RIOK3: variants seen among roughly 807,000 people sequenced by gnomAD.
RIOK3 encodes serine/threonine-protein kinase RIO3.
RIOK3 carries 40 observed loss-of-function variants against 63.5 expected under a neutral mutation model. That is an observed-to-expected ratio of 0.63 (90% CI 0.49 to 0.82). RIOK3 has a LOEUF of 0.82. Ranked by LOEUF, RIOK3 falls within the 40% of genes least tolerant of loss-of-function variation. The probability of loss-of-function intolerance (pLI) is 0.00; values close to 1 mark genes in which losing one functional copy is unlikely to be tolerated. For missense variants in RIOK3, 557 were observed against 637.0 expected, an observed-to-expected ratio of 0.87 and a Z score of 1.35; for synonymous variants, 193 against 205.0, an observed-to-expected ratio of 0.94 and a Z score of 0.50.
At chr18:23,479,929 C>T (rs2057520254) in intron 12 of RIOK3, among the ~76,000 whole-genome samples, 1 of 152,136 alleles carries the variant, frequency 6.6e-6, no homozygotes, top group African/African-American at 2.4e-5. Context: ...AACATTTCTT[C>T]ACGGAGGGCA....
chr18:23,463,334 C>A, intron 2 of RIOK3: 2 of 285,812 alleles, frequency 7.0e-6, no homozygotes, highest in East Asian at 6.5e-5. Flanking sequence ...CAGTTTTGAT[C>A]AAGTGTTTGT....
intron 7 of RIOK3, among the ~76,000 whole-genome samples, chr18:23,469,372 T>C (rs1179873779): frequency 3.8e-4 from 2 of 5,226 alleles, no homozygotes; most frequent in Admixed American, 3.1e-3. Flanking sequence ...CCTCCCTCCC[T>C]CCCTCCCCTC....
chr18:23,481,300 G>C lies in RIOK3; in HGVS notation c.*21G>C, dbSNP rs2145709351. 7.1e-7 allele frequency: 1 copy of C among 1,411,526 alleles called. No individual in the cohort carries two copies. Among genetic ancestry groups the C allele is most frequent in the East Asian group, 2.3e-5 (1 of 42,702 alleles). The allele number at this position is 1,411,526 out of a possible 1,614,324, so 87.4% of individuals were successfully genotyped here. On this transcript the variant is annotated 3_prime_UTR_variant, in exon 13 of 13. Coordinates refer to ENST00000339486, the MANE Select transcript of RIOK3 (RefSeq NM_003831.5). Reference sequence around the variant, plus strand: ...AATAGCACTAATACCCACTGCTTCAGTGTTAACACAGCAGTGATTGTCAGC... The same window carrying C: ...AATAGCACTAATACCCACTGCTTCACTGTTAACACAGCAGTGATTGTCAGC...
intron 7 of RIOK3, among the ~76,000 whole-genome samples, chr18:23,472,289 G>A (rs1378330715): frequency 6.6e-6 from 1 of 151,978 alleles, no homozygotes; most frequent in Non-Finnish European, 1.5e-5. Flanking sequence ...AGAGCCATGG[G>A]GCTAAGTGAA....
chr18:23,480,825 G>A (rs1229696475), intron 12 of RIOK3, among the ~76,000 whole-genome samples: 3 of 152,104 alleles, frequency 2.0e-5, no homozygotes, highest in Admixed American at 6.5e-5. Context: ...GGTGGCTCAC[G>A]CCTGTAATCC....
chr18:23,476,826 G>C (rs1029395571), intron 9 of RIOK3, among the ~76,000 whole-genome samples, 180 bp from the exon 10 acceptor site: 2 of 152,010 alleles, frequency 1.3e-5, no homozygotes, highest in South Asian at 4.2e-4. Context: ...GCAGGAGAAT[G>C]GTGTGAACCA....
chr18:23,469,809 T>C (rs1011066709), intron 7 of RIOK3, among the ~76,000 whole-genome samples: 21 of 152,152 alleles, frequency 1.4e-4, no homozygotes, highest in Admixed American at 3.9e-4. Context: ...TCTGTCACTC[T>C]CAGGTTGGTC....
In RIOK3 at chr18:23,453,426, G is replaced by T; in HGVS notation, c.-14G>T. The stretch of plus-strand genomic sequence containing the variant: ...ACCTCTCTGCTCTGTTCTTGTCTCT[G>T]CCTTCATTCCCGAATGGATCTGGTA... On this transcript the variant is annotated 5_prime_UTR_variant, in exon 1 of 13. Coordinates refer to ENST00000339486, the MANE Select transcript of RIOK3 (RefSeq NM_003831.5). 1.2e-6 allele frequency: 2 copies of T among 1,611,206 alleles called. No homozygotes were observed. The highest frequency in any genetic ancestry group is 1.7e-6 in the Non-Finnish European group (2 of 1,177,642).
chr18:23,467,187 G>A (rs529073163), intron 6 of RIOK3, among the ~76,000 whole-genome samples: 21 of 151,968 alleles, frequency 1.4e-4, no homozygotes, highest in Middle Eastern at 3.4e-3. Flanking sequence ...GGTGGCGGGC[G>A]CCTGTAATCC....
At position 23,475,041 on chromosome 18, in the gene RIOK3, C is replaced by T. The variant is rs767271842; in HGVS notation, c.1107C>T (p.Ala369=). The T allele has an allele frequency of 6.2e-7, 1 of 1,612,588 alleles. No homozygotes were observed. Among genetic ancestry groups the T allele is most frequent in the South Asian group, 1.1e-5 (1 of 91,036 alleles). ...TTATTGGCCATGATCAAGTTCCAGCCCCTAAATTAAAAGAAGTAAAGCTCA... is the reference window on the plus strand; with the variant it reads ...TTATTGGCCATGATCAAGTTCCAGCTCCTAAATTAAAAGAAGTAAAGCTCA... ...MSFIGHDQVP[A]PKLKEVKLNS... is the part of the protein sequence containing the mutation. The change falls in exon 9 of 13, where the codon GCC becomes GCT. Residue 369 remains alanine (A), a synonymous_variant. Transcript: ENST00000339486.
chr18:23,460,195 C>G (rs7230453), intron 1 of RIOK3, among the ~76,000 whole-genome samples: 96 of 152,346 alleles, frequency 6.3e-4, no homozygotes, highest in African/African-American at 2.1e-3. Context: ...AATGATCCAC[C>G]TCCTACTTCA....
At chr18:23,456,476 G>C (rs1427170322) in intron 1 of RIOK3, 2 of 151,756 alleles carry the variant, frequency 1.3e-5, no homozygotes, top group Non-Finnish European at 2.9e-5. Flanking sequence ...AAAAAAAAAA[G>C]TCATATGTTA....
At chr18:23,472,428 T>C (rs1480467495) in intron 7 of RIOK3, among the ~76,000 whole-genome samples, 1 of 152,184 alleles carries the variant, frequency 6.6e-6, no homozygotes, top group African/African-American at 2.4e-5. Flanking sequence ...TTCTGTCCTT[T>C]GGAAATATAG....
In RIOK3 at chr18:23,466,140, C is replaced by T; in HGVS notation, c.551C>T (p.Pro184Leu). ...KNTARMENFA[P>L]EFQVGDGIGM... is the part of the protein sequence containing the mutation. ...AATTCTTCCTTTTGGCAGTTTGCACCTGAGTTTCAGGTAGGAGATGGAATT... is the reference window on the plus strand; with the variant it reads ...AATTCTTCCTTTTGGCAGTTTGCACTTGAGTTTCAGGTAGGAGATGGAATT... Residue 184 changes from proline to leucine, a missense_variant, in exon 6 of 13, where the codon CCT (proline) becomes CTT (leucine). Pro to Leu is a moderately conservative substitution (Grantham distance 98). Coordinates refer to ENST00000339486, the MANE Select transcript of RIOK3 (RefSeq NM_003831.5). The T allele has an allele frequency of 6.3e-7, 1 of 1,589,144 alleles. No individual in the cohort carries two copies. The highest frequency in any genetic ancestry group is 8.5e-7 in the Non-Finnish European group (1 of 1,170,884).
intron 1 of RIOK3, among the ~76,000 whole-genome samples, chr18:23,459,941 G>C (rs1355198984): frequency 3.3e-5 from 5 of 152,200 alleles, no homozygotes; most frequent in Non-Finnish European, 7.3e-5. Flanking sequence ...TGATTCGCCT[G>C]CCTCGGCCTC....
intron 8 of RIOK3, among the ~76,000 whole-genome samples, chr18:23,474,638 C>T (rs2057477189): frequency 6.6e-6 from 1 of 152,210 alleles, no homozygotes; most frequent in Non-Finnish European, 1.5e-5. Flanking sequence ...TTCCCTTGCA[C>T]TGTCTTTATC....
chr18:23,474,484 A>G (rs2057476280), intron 8 of RIOK3, among the ~76,000 whole-genome samples: 1 of 152,192 alleles, frequency 6.6e-6, no homozygotes, highest in South Asian at 2.1e-4. Flanking sequence ...TGCCTTTCTT[A>G]AAATTCTTCA....
At chr18:23,471,223 G>T (rs2057454380) in intron 7 of RIOK3, among the ~76,000 whole-genome samples, 1 of 152,228 alleles carries the variant, frequency 6.6e-6, no homozygotes, top group Non-Finnish European at 1.5e-5. Context: ...AGCTTTATTA[G>T]TAGGACAGGG....
intron 1 of RIOK3, among the ~76,000 whole-genome samples, chr18:23,457,282 G>A (rs1167089676): frequency 6.6e-6 from 1 of 152,154 alleles, no homozygotes; most frequent in Non-Finnish European, 1.5e-5. Context: ...GTGAGGAAGT[G>A]TGTAGCTCTG....
Sources: allele counts gnomAD v4.1 joint callset (sites outside exome capture counted in the v4.1 genomes callset), GRCh38; gene constraint gnomAD v4.1.1; transcripts MANE v1.5; gene names NCBI Gene and HGNC (gene_info 2026-07-23, HGNC 2026-07-21).